Variants in CELF4 observed in about 807,000 individuals in gnomAD.
The protein encoded by CELF4 is CUG-BP- and ETR-3-like factor 4.
A neutral mutation model predicts 59.9 loss-of-function variants in CELF4; 18 were observed. The observed-to-expected ratio is 0.30, with a 90% CI of 0.21 to 0.45. The LOEUF is 0.45. Among genes scored for constraint, CELF4 ranks in the 20% least tolerant of loss-of-function variants. The probability of loss-of-function intolerance (pLI) is 1.00; values close to 1 mark genes in which losing one functional copy is unlikely to be tolerated. For synonymous variants in CELF4, 261 were observed against 267.1 expected, an observed-to-expected ratio of 0.98 and a Z score of 0.22; for missense variants, 456 against 689.0, an observed-to-expected ratio of 0.66 and a Z score of 3.79.
At chr18:37,444,653 C>A (rs934229139) in intron 2 of CELF4, among the ~76,000 whole-genome samples, 3 of 145,452 alleles carry the variant, frequency 2.1e-5, no homozygotes, top group African/African-American at 8.3e-5. Context: ...CACACACACA[C>A]GCGAACGATG....
At chr18:37,484,652 A>G (rs1367073425) in intron 2 of CELF4, among the ~76,000 whole-genome samples, 7 of 152,180 alleles carry the variant, frequency 4.6e-5, no homozygotes, top group Admixed American at 3.9e-4. Context: ...CTCTCCGTCT[A>G]CCTGGTTAAC....
At chr18:37,432,352 G>A (rs1044205520) in intron 2 of CELF4, among the ~76,000 whole-genome samples, 24 of 152,238 alleles carry the variant, frequency 1.6e-4, no homozygotes, top group African/African-American at 5.8e-4. Context: ...TGGGCCCAGA[G>A]GGGGAGCTTG....
intron 1 of CELF4, among the ~76,000 whole-genome samples, chr18:37,530,189 A>G (rs6507202): frequency 0.95 from 145,239 of 152,302 alleles, 69,609 homozygotes; most frequent in East Asian, 1. Context: ...TAAGACTGAC[A>G]TGTACACAGG....
intron 2 of CELF4, among the ~76,000 whole-genome samples, chr18:37,372,328 G>A (rs1307182663): frequency 6.6e-6 from 1 of 152,170 alleles, no homozygotes; most frequent in East Asian, 1.9e-4. Flanking sequence ...CATGTCCTTT[G>A]TAGGGACATG....
chr18:37,458,961 C>T (rs761270664), intron 2 of CELF4, among the ~76,000 whole-genome samples: 40 of 152,214 alleles, frequency 2.6e-4, no homozygotes, highest in Non-Finnish European at 4.3e-4. Context: ...TCAGTATCCA[C>T]AAAGCTTGTT....
intron 2 of CELF4, among the ~76,000 whole-genome samples, chr18:37,394,817 G>C (rs2099220581): frequency 6.6e-6 from 1 of 152,146 alleles, no homozygotes; most frequent in African/African-American, 2.4e-5. Flanking sequence ...CTCCTGACCT[G>C]CTCTTGCAGT....
chr18:37,409,964 T>G (rs1407827767), intron 2 of CELF4, among the ~76,000 whole-genome samples: 1 of 152,102 alleles, frequency 6.6e-6, no homozygotes, highest in African/African-American at 2.4e-5. Context: ...GCCTGAAAGC[T>G]CTTCTCTCTC....
At chr18:37,403,025 C>A (rs1244106751) in intron 2 of CELF4, among the ~76,000 whole-genome samples, 1 of 152,098 alleles carries the variant, frequency 6.6e-6, no homozygotes, top group Non-Finnish European at 1.5e-5. Flanking sequence ...CCTCACTGGG[C>A]AGGCTCTCCA....
intron 2 of CELF4, among the ~76,000 whole-genome samples, chr18:37,368,093 C>T (rs1299193150): frequency 6.6e-6 from 1 of 152,094 alleles, no homozygotes; most frequent in Non-Finnish European, 1.5e-5. Flanking sequence ...ATTTGGGTCT[C>T]AGTGACTCCA....
chr18:37,274,127 G>A, intron 6 of CELF4, 184 bp downstream of exon 6: 2 of 1,405,138 alleles, frequency 1.4e-6, no homozygotes, highest in Non-Finnish European at 9.2e-7. Context: ...CCCCAACTGG[G>A]CCAGCCTTCT....
chr18:37,247,896 G>A (rs1306329269), intron 12 of CELF4, among the ~76,000 whole-genome samples: 1 of 152,172 alleles, frequency 6.6e-6, no homozygotes, highest in African/African-American at 2.4e-5. Flanking sequence ...CTCCCCCAGG[G>A]GTGGCGCTCC....
intron 2 of CELF4, among the ~76,000 whole-genome samples, chr18:37,342,464 G>A (rs1469250302): frequency 6.6e-6 from 1 of 152,200 alleles, no homozygotes; most frequent in African/African-American, 2.4e-5. Flanking sequence ...TGGGGAAGGG[G>A]GCCTGCCTCG....
chr18:37,464,642 C>T (rs1179068712), intron 2 of CELF4, among the ~76,000 whole-genome samples: 1 of 152,138 alleles, frequency 6.6e-6, no homozygotes, highest in Non-Finnish European at 1.5e-5. Context: ...CTGAGAATCA[C>T]AGCCTTTGAA....
At chr18:37,526,987 C>T (rs1021633025) in intron 1 of CELF4, among the ~76,000 whole-genome samples, 1 of 152,104 alleles carries the variant, frequency 6.6e-6, no homozygotes, top group East Asian at 1.9e-4. Flanking sequence ...GGGCAGTAGA[C>T]CAGGAGCCTC....
chr18:37,421,308 C>G (rs2099576618), intron 2 of CELF4, among the ~76,000 whole-genome samples: 2 of 152,208 alleles, frequency 1.3e-5, no homozygotes, highest in African/African-American at 4.8e-5. Context: ...AAAGCATTTC[C>G]TACTCAGCTG....
chr18:37,537,025 T>A (rs1273280503), intron 1 of CELF4, among the ~76,000 whole-genome samples: 1 of 152,182 alleles, frequency 6.6e-6, no homozygotes, highest in Non-Finnish European at 1.5e-5. Context: ...GCGGGTGTCA[T>A]AGGTCACCCA....
chr18:37,552,365 C>T (rs944237715), intron 1 of CELF4, among the ~76,000 whole-genome samples: 2 of 152,206 alleles, frequency 1.3e-5, no homozygotes, highest in East Asian at 1.9e-4. Context: ...TGGTATGTCC[C>T]GCCACAGCCT....
intron 10 of CELF4, among the ~76,000 whole-genome samples, chr18:37,264,396 G>A (rs548671091): frequency 3.9e-5 from 6 of 152,372 alleles, no homozygotes; most frequent in South Asian, 4.1e-4. Context: ...AAGGTGCCTC[G>A]TGTGGGACCT....
At chr18:37,304,069 CT>C (rs1227270084) in intron 3 of CELF4, among the ~76,000 whole-genome samples, 1 of 152,224 alleles carries the variant, frequency 6.6e-6, no homozygotes, top group Non-Finnish European at 1.5e-5. Context: ...CAGTTGTGCT[CT>C]GAATTTTTTT....
Sources: gnomAD v4.1 joint callset for allele counts (sites outside exome capture counted in the v4.1 genomes callset) on GRCh38, gnomAD v4.1.1 for gene constraint, MANE v1.5 for transcripts, NCBI Gene and HGNC (gene_info 2026-07-23, HGNC 2026-07-21) for gene names.